Variants in MYLK observed in about 807,000 individuals in gnomAD.
MYLK encodes myosin light chain kinase.
MYLK carries 106 observed loss-of-function variants against 203.4 expected under a neutral mutation model. That is an observed-to-expected ratio of 0.52 (90% CI 0.45 to 0.61). The LOEUF (loss-of-function observed/expected upper bound fraction) is 0.61, where lower values mean the gene tolerates loss of function less well. MYLK is among the 20% of genes least tolerant of loss of function. The pLI is 0.00. For missense variants in MYLK, 2,072 were observed against 2,442.3 expected (o/e 0.85, Z 3.20); for synonymous variants, 867 against 959.5 (o/e 0.90, Z 1.78).
At chr3:123,723,756 A>C (rs1174425591) in intron 12 of MYLK, among the ~76,000 whole-genome samples, 1 of 152,204 alleles carries the variant, frequency 6.6e-6, no homozygotes, top group Non-Finnish European at 1.5e-5. Flanking sequence ...CTCTAGTGGA[A>C]TGGGTGTGGA....
At position 123,635,390 on chromosome 3, in the gene MYLK, C is replaced by T. The variant is rs554832895; in HGVS notation, c.4961+2681G>A. 7.9e-5 allele frequency among the ~76,000 whole-genome samples: 12 copies of T among 152,350 alleles called. No individual in the cohort carries two copies. In the South Asian group the frequency reaches 2.5e-3, roughly 32 times the overall value. ...AGAGCCCTGGCTTGCCGGGGGAACT[C>T]CCTGACTTCCATCCATGCTGAGAGA... On this transcript the variant is annotated intron_variant, in intron 29 of 33. Transcript: ENST00000360304.
intron 3 of MYLK, among the ~76,000 whole-genome samples, chr3:123,827,018 AAT>A (rs1560268232): frequency 6.6e-6 from 1 of 152,252 alleles, no homozygotes; most frequent in Admixed American, 6.5e-5. Flanking sequence ...AAAATCAGAA[AAT>A]ATGTTACCTC....
intron 5 of MYLK, among the ~76,000 whole-genome samples, chr3:123,751,517 TTAA>T (rs2063192361): frequency 6.6e-6 from 1 of 152,222 alleles, no homozygotes; most frequent in African/African-American, 2.4e-5. Flanking sequence ...TACATAATTT[TTAA>T]TAATGAGCAT....
intron 23 of MYLK, among the ~76,000 whole-genome samples, chr3:123,657,884 T>G (rs1025735718): frequency 2.0e-5 from 3 of 152,220 alleles, no homozygotes; most frequent in Non-Finnish European, 4.4e-5. Flanking sequence ...TGCCTCCACT[T>G]TCTCTGGGTC....
chr3:123,646,423 TA>T (rs1441952494), intron 27 of MYLK, among the ~76,000 whole-genome samples: 1 of 152,236 alleles, frequency 6.6e-6, no homozygotes, highest in Admixed American at 6.5e-5. Context: ...GCATATATTC[TA>T]AAAATTCAGA....
At chr3:123,625,247 T>TACAC (rs1320304170) in intron 31 of MYLK, 1 of 152,192 alleles carries the variant, frequency 6.6e-6, no homozygotes, top group Non-Finnish European at 1.5e-5. Context: ...GTTCTATCCA[T>TACAC]ACACACCCAT....
intron 3 of MYLK, among the ~76,000 whole-genome samples, chr3:123,829,950 G>C (rs887541524): frequency 6.6e-6 from 1 of 152,138 alleles, no homozygotes; most frequent in Non-Finnish European, 1.5e-5. Context: ...ATGGTGTCAT[G>C]TGCCCCTAGG....
chr3:123,637,478 T>A (rs1305916905), intron 29 of MYLK, among the ~76,000 whole-genome samples: 1 of 152,224 alleles, frequency 6.6e-6, no homozygotes, highest in Admixed American at 6.5e-5. Context: ...TGCATTATTG[T>A]TCATTGAAAT....
At chr3:123,614,402 T>C in intron 33 of MYLK, 53 bp from the exon 34 acceptor site, 3 of 1,611,204 alleles carry the variant, frequency 1.9e-6, no homozygotes, top group Non-Finnish European at 2.5e-6. Context: ...CAAAATTTCT[T>C]ATCAACTCAT....
chr3:123,873,216 G>A (rs2700406), intron 2 of MYLK, among the ~76,000 whole-genome samples: 149,955 of 152,296 alleles, frequency 0.98, 73,835 homozygotes, highest in East Asian at 1. Flanking sequence ...CAACAGATCC[G>A]TAAAAAGCGC....
intron 20 of MYLK, among the ~76,000 whole-genome samples, chr3:123,669,392 T>C (rs922808023): frequency 2.0e-5 from 3 of 150,578 alleles, no homozygotes; most frequent in Non-Finnish European, 4.4e-5. Flanking sequence ...GTCTTAAATA[T>C]CAAGACGTGG....
rs1454937062 is a variant in MYLK at position 123,709,710 on chromosome 3, A to G, written c.1942+46T>C. 1.9e-6 allele frequency: 3 copies of G among 1,611,690 alleles called. No homozygotes were observed. The South Asian group carries it at 3.3e-5, about 18-fold the overall frequency. ...CGGAGAGCAATACCCATTGCAACCA[A>G]GACCATTTTCATGTTAATCCCCAAG... On this transcript the variant is annotated intron_variant, in intron 14 of 33. Transcript: ENST00000360304.
At chr3:123,860,998 C>T (rs1346826657) in intron 2 of MYLK, among the ~76,000 whole-genome samples, 2 of 151,900 alleles carry the variant, frequency 1.3e-5, no homozygotes, top group East Asian at 1.9e-4. Context: ...GGCATGGTGG[C>T]GGGCGCCTGT....
rs149007348 is a variant in MYLK, at chr3:123,728,493, C to A, written c.1517-2415G>T. 8.5e-4 allele frequency among the ~76,000 whole-genome samples: 129 copies of A among 152,052 alleles called. 1 individual carries two copies. The highest frequency in any genetic ancestry group is 2.8e-3 in the African/African-American group (118 of 41,486). ...TTGCACTCCAGTCTGGGTGACAGAG[C>A]GAGACTCTGTCTCTAAAAAGTAAAA... On this transcript the variant is annotated intron_variant, in intron 11 of 33. Coordinates refer to ENST00000360304, the MANE Select transcript of MYLK (RefSeq NM_053025.4).
intron 17 of MYLK, 110 bp downstream of exon 17, chr3:123,701,328 T>C (rs2061212461): frequency 1.7e-5 from 19 of 1,139,880 alleles, no homozygotes; most frequent in Non-Finnish European, 2.3e-5. Flanking sequence ...TTTGGCAGCC[T>C]CAGCTGCAGG....
intron 20 of MYLK, among the ~76,000 whole-genome samples, chr3:123,670,280 GAC>G (rs1296222963): frequency 6.6e-6 from 1 of 152,148 alleles, no homozygotes; most frequent in Non-Finnish European, 1.5e-5. Context: ...AAGGCTAAAA[GAC>G]AGGATGTAAG....
intron 2 of MYLK, among the ~76,000 whole-genome samples, chr3:123,847,045 C>T (rs866018604): frequency 2.0e-4 from 30 of 152,026 alleles, no homozygotes; most frequent in Middle Eastern, 3.4e-3. Flanking sequence ...CAACCAACTG[C>T]AAATCCAAAA....
At chr3:123,804,325 G>A (rs2065296044) in intron 3 of MYLK, among the ~76,000 whole-genome samples, 1 of 152,146 alleles carries the variant, frequency 6.6e-6, no homozygotes, top group African/African-American at 2.4e-5. Context: ...TATTGGTGCT[G>A]TAGGGTCACA....
intron 2 of MYLK, among the ~76,000 whole-genome samples, chr3:123,876,072 G>A (rs1402700203): frequency 6.6e-6 from 1 of 151,968 alleles, no homozygotes; most frequent in Non-Finnish European, 1.5e-5. Flanking sequence ...AAAATTGTGG[G>A]CACATACAAA....
Sources: allele counts gnomAD v4.1 joint callset (sites outside exome capture counted in the v4.1 genomes callset), GRCh38; gene constraint gnomAD v4.1.1; transcripts MANE v1.5; gene names NCBI Gene and HGNC (gene_info 2026-07-23, HGNC 2026-07-21).